Variants in DHX29 observed in about 807,000 individuals in gnomAD.
DHX29 encodes the protein ATP-dependent RNA helicase DHX29.
Under a neutral mutation model 167.9 loss-of-function variants are expected in DHX29, and 79 were observed. That is an observed-to-expected ratio of 0.47 (90% CI 0.39 to 0.57). DHX29 has a LOEUF of 0.57. Among genes scored for constraint, DHX29 ranks in the 20% least tolerant of loss-of-function variants. The pLI is 0.00. For missense variants in DHX29, 1,347 were observed against 1,593.4 expected, an observed-to-expected ratio of 0.85 and a Z score of 2.63; for synonymous variants, 530 against 546.0, an observed-to-expected ratio of 0.97 and a Z score of 0.41.
rs752460145 is a variant in DHX29, at chr5:55,272,149, C to T, written c.2802G>A (p.Glu934=). 1.3e-6 allele frequency: 2 copies of T among 1,582,152 alleles called. No individual in the cohort carries two copies. The highest frequency in any genetic ancestry group is 2.4e-5 in the South Asian group (2 of 84,574). ...RKIVLATNIA[E]TGITIPDVVF... is the part of the protein sequence containing the mutation. Reference sequence around the variant, plus strand: ...CAACATCAGGAATAGTGATACCCGTCTCTGCAATATTGGTTGCTAAAACAA... The same window carrying T: ...CAACATCAGGAATAGTGATACCCGTTTCTGCAATATTGGTTGCTAAAACAA... Residue 934 remains glutamate (E), a synonymous_variant, in exon 18 of 27, where the codon GAG becomes GAA. Coordinates refer to ENST00000251636, the MANE Select transcript of DHX29 (RefSeq NM_019030.4).
At chr5:55,288,828 C>G (rs529531453) in intron 8 of DHX29, among the ~76,000 whole-genome samples, 15 of 152,126 alleles carry the variant, frequency 9.9e-5, no homozygotes, top group Non-Finnish European at 1.6e-4. Context: ...AACCATAAAA[C>G]AGCCAACGTT....
In DHX29 at chr5:55,273,271, AAT is replaced by A. The variant is rs1275528229; in HGVS notation, c.2775+20_2775+21del. 1 of 1,563,840 alleles carries A rather than the reference AAT, an allele frequency of 6.4e-7. No individual in the cohort carries two copies. Among genetic ancestry groups the A allele is most frequent in the Non-Finnish European group, 8.7e-7 (1 of 1,153,142 alleles). On this transcript the variant is annotated intron_variant, in intron 17 of 26. Transcript: ENST00000251636. ...AATACTCTCAGGTGGATCACATATAAATTTGCTGTACTAAATTTTACCTTCCT... is the reference window on the plus strand; with the variant it reads ...AATACTCTCAGGTGGATCACATATAATTGCTGTACTAAATTTTACCTTCCT...
chr5:55,300,783 GT>G (rs1748558655), intron 1 of DHX29, among the ~76,000 whole-genome samples: 1 of 152,170 alleles, frequency 6.6e-6, no homozygotes, highest in African/African-American at 2.4e-5. Context: ...AATAATATCC[GT>G]TTTTGCAAAT....
intron 4 of DHX29, 83 bp from the exon 5 acceptor site, chr5:55,295,607 C>T (rs968052178): frequency 1.4e-6 from 2 of 1,405,880 alleles, no homozygotes; most frequent in Non-Finnish European, 1.9e-6. Flanking sequence ...ATTTGTAAAC[C>T]TTGCCTAGAC....
Position 55,273,341 on chromosome 5 carries a change from G to A in DHX29, c.2727C>T (p.Thr909=). ...KVIALHSILS[T]QDQAAAFTLP... ...GTGTGAATGCTGCAGCTTGATCTTG[G>A]GTTGAAAGAATAGAATGCAGAGCTA... The change falls in exon 17 of 27, where the codon ACC becomes ACT. Residue 909 remains threonine (T), a synonymous_variant. Coordinates refer to ENST00000251636, the MANE Select transcript of DHX29 (RefSeq NM_019030.4). The A allele has an allele frequency of 6.3e-7, 1 of 1,593,198 alleles. No individual in the cohort carries two copies. Among genetic ancestry groups the A allele is most frequent in the South Asian group, 1.1e-5 (1 of 87,286 alleles).
chr5:55,261,435 A>C lies in DHX29; in HGVS notation c.3893T>G (p.Phe1298Cys). The C allele has an allele frequency of 2.5e-6, 4 of 1,577,306 alleles. No individual in the cohort carries two copies. The highest frequency in any genetic ancestry group is 2.2e-5 in the East Asian group (1 of 44,576). The change falls in exon 25 of 27, where the codon TTT (phenylalanine) becomes TGT (cysteine). Residue 1298 changes from phenylalanine (F) to cysteine (C), a missense_variant. Physicochemically the swap from Phe to Cys is radical, Grantham distance 205. Coordinates refer to ENST00000251636, the MANE Select transcript of DHX29 (RefSeq NM_019030.4). ...TLITPFPVLLFGGDIEVQHRE... is the reference protein window; with the variant it reads ...TLITPFPVLLCGGDIEVQHRE... ...GTGCTGAACTTCTATATCACCACCA[A>C]AAAGTAAAACTGGAAAAGGGGTTAT...
chr5:55,291,113 T>A (rs1167859156), intron 6 of DHX29, among the ~76,000 whole-genome samples: 1 of 152,220 alleles, frequency 6.6e-6, no homozygotes, highest in Non-Finnish European at 1.5e-5. Flanking sequence ...TCTTATCTTA[T>A]GGAAGACAGG....
In DHX29 at chr5:55,295,568, T is replaced by C. The variant is rs201096929; in HGVS notation, c.506-44A>G. On this transcript the variant is annotated intron_variant, in intron 4 of 26. Transcript: ENST00000251636. Reference sequence around the variant, plus strand: ...ATGCTGAAAATAAACAGGCATATGATACATAAAACACACAAATATTTGTTA... The same window carrying C: ...ATGCTGAAAATAAACAGGCATATGACACATAAAACACACAAATATTTGTTA... The C allele has an allele frequency of 2.5e-6, 4 of 1,577,702 alleles. No homozygotes were observed. In the East Asian group the frequency reaches 9.0e-5, roughly 35 times the overall value.
intron 1 of DHX29, among the ~76,000 whole-genome samples, chr5:55,301,076 A>C (rs1451031263): frequency 6.6e-6 from 1 of 152,160 alleles, no homozygotes; most frequent in Non-Finnish European, 1.5e-5. Context: ...ATCCTGTTGG[A>C]TCAGGGCCCC....
chr5:55,281,013 T>C (rs570163539), intron 12 of DHX29, among the ~76,000 whole-genome samples: 2 of 151,666 alleles, frequency 1.3e-5, no homozygotes, highest in East Asian at 1.9e-4. Context: ...TGATGATTTT[T>C]ATACATGTAT....
chr5:55,280,101 T>A (rs1747326139), intron 12 of DHX29, among the ~76,000 whole-genome samples: 1 of 151,972 alleles, frequency 6.6e-6, no homozygotes, highest in Non-Finnish European at 1.5e-5. Flanking sequence ...ATAAAGAGGG[T>A]CCTGTATAAT....
Position 55,294,025 on chromosome 5 carries a change from A to C in DHX29, c.772T>G (p.Phe258Val). 1 of 1,605,820 alleles carries C rather than the reference A, an allele frequency of 6.2e-7. No individual in the cohort carries two copies. The highest frequency in any genetic ancestry group is 1.1e-5 in the South Asian group (1 of 89,566). ...CACAAATTTCTACTCACAGGGTCAA[A>C]TTTTTCCTCCTCTTCTAAACTTTTA... is the stretch of plus-strand genomic sequence containing the variant. ...NSKSLEEEEK[F>V]DPNERYLHLA... The change falls in exon 6 of 27, where the codon TTT (phenylalanine) becomes GTT (valine). Residue 258 changes from phenylalanine to valine, a missense_variant. Around this residue, in one of 3 missense-constraint regions of DHX29, gnomAD observed 405 missense variants for 416.8 expected, o/e 0.97. Coordinates refer to ENST00000251636, the MANE Select transcript of DHX29 (RefSeq NM_019030.4).
chr5:55,295,117 T>C (rs535228119), intron 5 of DHX29: 1 of 311,100 alleles, frequency 3.2e-6, no homozygotes, highest in African/African-American at 2.1e-5. Context: ...CCTTGGAAGA[T>C]ACTTCCTGGA....
intron 2 of DHX29, 144 bp from the exon 3 acceptor site, chr5:55,297,542 C>T (rs895245553): frequency 3.4e-6 from 2 of 592,952 alleles, no homozygotes; most frequent in Non-Finnish European, 5.9e-6. Context: ...TTTTGGACTA[C>T]CACCCATTTG....
intron 8 of DHX29, among the ~76,000 whole-genome samples, chr5:55,287,958 A>AC (rs774938665): frequency 1.1e-3 from 166 of 151,444 alleles, no homozygotes; most frequent in Middle Eastern, 3.4e-3. Flanking sequence ...AAAAAAAGAA[A>AC]GAAAGAAAAA....
chr5:55,260,052 T>A, intron 25 of DHX29, 108 bp from the exon 26 acceptor site: 1 of 546,794 alleles, frequency 1.8e-6, no homozygotes, highest in Admixed American at 2.8e-5. Flanking sequence ...CACATCTTGC[T>A]TTTAATGGAA....
At chr5:55,295,654 TAAG>T in intron 4 of DHX29, 130 bp from the exon 5 acceptor site, 2 of 853,596 alleles carry the variant, frequency 2.3e-6, no homozygotes, top group Non-Finnish European at 3.5e-6. Flanking sequence ...CCTCATCTCC[TAAG>T]AATAGAAATC....
At position 55,262,883 on chromosome 5, in the gene DHX29, G is replaced by A; in HGVS notation, c.3575C>T (p.Ser1192Phe). 6.2e-7 allele frequency: 1 copy of A among 1,613,990 alleles called. No homozygotes were observed. The highest frequency in any genetic ancestry group is 8.5e-7 in the Non-Finnish European group (1 of 1,179,926). Residue 1192 changes from serine (S) to phenylalanine (F), a missense_variant, in exon 24 of 27, where the codon TCT becomes TTT. Transcript: ENST00000251636. ...TTCCCAGCTGGTAGAAGTTGTGGAA[G>A]ATGAAAATCCTGCTGCCTTAACCAA... ...IKLVKAAGFS[S>F]STTSTSWEGN...
rs7715338 is a variant in DHX29, at chr5:55,272,461, G to A, written c.2776-286C>T. Among the ~76,000 whole-genome samples the A allele has an allele frequency of 7.1e-3, 1,078 of 152,220 alleles. 11 individuals are homozygous for A. The highest frequency in any genetic ancestry group is 0.025 in the African/African-American group (1,048 of 41,534). On this transcript the variant is annotated intron_variant, in intron 17 of 26. Coordinates refer to ENST00000251636, the MANE Select transcript of DHX29 (RefSeq NM_019030.4). ...AAATGATATAAGTAGGGCTGGGTGC[G>A]GTGGCTCACGCCTGTAATCCCAGCA...
Sources: allele counts gnomAD v4.1 joint callset (sites outside exome capture counted in the v4.1 genomes callset), GRCh38; gene constraint gnomAD v4.1.1; regional missense constraint gnomAD v4.1.1; transcripts MANE v1.5; gene names NCBI Gene and HGNC (gene_info 2026-07-23, HGNC 2026-07-21).